SLC24A2: variants seen among roughly 807,000 people sequenced by gnomAD.
SLC24A2 encodes solute carrier family 24 member 2.
A neutral mutation model predicts 62.0 loss-of-function variants in SLC24A2; 36 were observed. That is an observed-to-expected ratio of 0.58 (90% confidence interval 0.44 to 0.77). The LOEUF (loss-of-function observed/expected upper bound fraction) is 0.77. Among genes scored for constraint, SLC24A2 ranks in the 30% least tolerant of loss-of-function variants. SLC24A2 has a pLI of 0.00. For synonymous variants in SLC24A2, 358 were observed against 294.0 expected (o/e 1.22, Z -2.23); for missense variants, 846 against 817.9 (o/e 1.03, Z -0.42).
rs150970393 is a variant in SLC24A2 at position 19,698,824 on chromosome 9, T to C, written c.931-76525A>G. On this transcript the variant is annotated intron_variant, in intron 2 of 10. Coordinates refer to ENST00000341998, the MANE Select transcript of SLC24A2 (RefSeq NM_020344.4). ...TGGACCCACCCATAGAGACCTTTTG[T>C]ATGGGAATTGTACCACTGCTCTAGC... is the stretch of plus-strand genomic sequence containing the variant. 8.9e-3 allele frequency among the ~76,000 whole-genome samples: 1,355 copies of C among 152,294 alleles called. 18 individuals carry two copies. Among genetic ancestry groups the C allele is most frequent in the African/African-American group, 0.031 (1,289 of 41,556 alleles).
the SLC24A2 span, among the ~76,000 whole-genome samples, chr9:19,886,553 A>G: frequency 6.6e-6 from 1 of 152,230 alleles, no homozygotes; most frequent in Non-Finnish European, 1.5e-5. Context: ...AAGTCAAGAA[A>G]CAACAGATGC....
the SLC24A2 span, among the ~76,000 whole-genome samples, chr9:20,089,727 C>T: frequency 7.8e-6 from 1 of 127,518 alleles, no homozygotes; most frequent in Admixed American, 1.0e-4. Flanking sequence ...GCAGTTCTAT[C>T]CCTGCTACCT....
intron 4 of SLC24A2, among the ~76,000 whole-genome samples, chr9:19,603,068 A>C (rs1836883381): frequency 6.6e-6 from 1 of 152,164 alleles, no homozygotes; most frequent in Non-Finnish European, 1.5e-5. Flanking sequence ...AACATAGAAT[A>C]TCTGAAACCA....
chr9:19,784,794 TGTAGTACAAGTA>T (rs11272161), intron 2 of SLC24A2, among the ~76,000 whole-genome samples: 59,306 of 151,950 alleles, frequency 0.39, 12,271 homozygotes, highest in Admixed American at 0.48. Flanking sequence ...TTAGAAAATA[TGTAGTACAAGTA>T]GAAATATTGC....
At chr9:19,993,997 C>T in the SLC24A2 span, among the ~76,000 whole-genome samples, 3 of 152,108 alleles carry the variant, frequency 2.0e-5, no homozygotes, top group East Asian at 1.9e-4. Context: ...TCACAGCAGC[C>T]GTGTGTACTA....
intron 2 of SLC24A2, among the ~76,000 whole-genome samples, chr9:19,711,182 T>C (rs1820705409): frequency 1.3e-5 from 2 of 152,234 alleles, no homozygotes; most frequent in African/African-American, 4.8e-5. Context: ...TCTAAGATGC[T>C]GTTTGCCTTT....
At chr9:19,670,246 A>G (rs919329977) in intron 2 of SLC24A2, among the ~76,000 whole-genome samples, 39 of 152,186 alleles carry the variant, frequency 2.6e-4, no homozygotes, top group African/African-American at 9.4e-4. Context: ...ATGGGGAGAC[A>G]TGTTATCTCA....
the SLC24A2 span, among the ~76,000 whole-genome samples, chr9:19,995,215 C>G: frequency 6.6e-6 from 1 of 151,958 alleles, no homozygotes; most frequent in Non-Finnish European, 1.5e-5. Context: ...TCACGCGTAT[C>G]TTTTAGACTT....
chr9:19,688,579 CAGTTA>C (rs1455674578), intron 2 of SLC24A2, among the ~76,000 whole-genome samples: 1 of 151,970 alleles, frequency 6.6e-6, no homozygotes, highest in Admixed American at 6.6e-5. Flanking sequence ...AGCTGCATTT[CAGTTA>C]AGTTGATTAG....
chr9:19,994,058 G>A, the SLC24A2 span, among the ~76,000 whole-genome samples: 4 of 152,164 alleles, frequency 2.6e-5, no homozygotes, highest in Non-Finnish European at 5.9e-5. Context: ...TCACATAGCT[G>A]GCAGGTGGCA....
chr9:20,002,029 G>C, the SLC24A2 span, among the ~76,000 whole-genome samples: 3 of 152,150 alleles, frequency 2.0e-5, no homozygotes, highest in East Asian at 5.8e-4. Flanking sequence ...ATTTTCAAAA[G>C]TTTGAGGCAG....
chr9:19,767,813 T>C (rs1449566626), intron 2 of SLC24A2, among the ~76,000 whole-genome samples: 1 of 152,244 alleles, frequency 6.6e-6, no homozygotes, highest in Non-Finnish European at 1.5e-5. Flanking sequence ...ACTTGATCTC[T>C]GTTTTAGTTC....
At chr9:20,182,613 C>T in the SLC24A2 span, among the ~76,000 whole-genome samples, 1 of 152,140 alleles carries the variant, frequency 6.6e-6, no homozygotes, top group African/African-American at 2.4e-5. Context: ...GGGAGGGGAA[C>T]ATCACACACC....
chr9:19,638,880 C>A lies in SLC24A2; in HGVS notation c.931-16581G>T, dbSNP rs370894698. 3.8e-4 allele frequency among the ~76,000 whole-genome samples: 58 copies of A among 152,324 alleles called. No individual in the cohort carries two copies. In the South Asian group the frequency reaches 0.012, roughly 30 times the overall value. On this transcript the variant is annotated intron_variant, in intron 2 of 10. Coordinates refer to ENST00000341998, the MANE Select transcript of SLC24A2 (RefSeq NM_020344.4). Reference sequence around the variant, plus strand: ...ATAAAATAAGAATCTCCAACTGGAGCAATTAGCTATCTAAACTTGGAGATG... The same window carrying A: ...ATAAAATAAGAATCTCCAACTGGAGAAATTAGCTATCTAAACTTGGAGATG...
At chr9:19,797,070 G>A in the SLC24A2 span, among the ~76,000 whole-genome samples, 1 of 151,984 alleles carries the variant, frequency 6.6e-6, no homozygotes, top group African/African-American at 2.4e-5. Flanking sequence ...TTGGTAAAAA[G>A]TCCTCACATT....
chr9:19,626,049 T>C (rs1818026506), intron 2 of SLC24A2, among the ~76,000 whole-genome samples: 2 of 152,192 alleles, frequency 1.3e-5, no homozygotes. Flanking sequence ...AAATTGTCCA[T>C]TTATGCTTGC....
At chr9:19,931,481 T>C in the SLC24A2 span, among the ~76,000 whole-genome samples, 1 of 152,272 alleles carries the variant, frequency 6.6e-6, no homozygotes, top group African/African-American at 2.4e-5. Context: ...TTTTTCTCTA[T>C]GCCTTTGTTG....
At chr9:19,729,302 T>C (rs900565672) in intron 2 of SLC24A2, among the ~76,000 whole-genome samples, 9 of 152,128 alleles carry the variant, frequency 5.9e-5, no homozygotes, top group African/African-American at 1.9e-4. Flanking sequence ...CTATGGAAAA[T>C]AGTATGGAGG....
the SLC24A2 span, among the ~76,000 whole-genome samples, chr9:19,858,267 T>C: frequency 3.9e-5 from 6 of 152,132 alleles, no homozygotes; most frequent in Non-Finnish European, 8.8e-5. Flanking sequence ...GGACTACATA[T>C]TCAACAAATG....
Sources: gnomAD v4.1 joint callset for allele counts (sites outside exome capture counted in the v4.1 genomes callset) on GRCh38, gnomAD v4.1.1 for gene constraint, MANE v1.5 for transcripts, NCBI Gene and HGNC (gene_info 2026-07-23, HGNC 2026-07-21) for gene names.